Variants in ZBTB5 observed in about 807,000 individuals in gnomAD.
ZBTB5 encodes the protein zinc finger and BTB domain containing 5, also known as zinc finger and BTB domain-containing protein 5.
ZBTB5 carries 15 observed loss-of-function variants against 37.9 expected under a neutral mutation model. The observed-to-expected ratio is 0.40, with a 90% CI of 0.26 to 0.61. ZBTB5 has a LOEUF of 0.61. Among genes scored for constraint, ZBTB5 ranks in the 20% least tolerant of loss-of-function variants. The pLI, the probability that ZBTB5 is intolerant of heterozygous loss-of-function variation, is 0.47. For missense variants in ZBTB5, 708 were observed against 856.8 expected (o/e 0.83, Z 2.17); for synonymous variants, 315 against 312.4 (o/e 1.01, Z -0.09).
intron 1 of ZBTB5, among the ~76,000 whole-genome samples, chr9:37,462,665 G>T (rs994450404): frequency 1.3e-5 from 2 of 151,266 alleles, no homozygotes; most frequent in Non-Finnish European, 2.9e-5. Flanking sequence ...CCAGGCTCAA[G>T]CGATTCTTCC....
At chr9:37,448,499 A>T (rs1232288982) in intron 1 of ZBTB5, among the ~76,000 whole-genome samples, 1 of 152,098 alleles carries the variant, frequency 6.6e-6, no homozygotes, top group Non-Finnish European at 1.5e-5. Context: ...CTACATATTA[A>T]TCCATGTGAC....
At chr9:37,449,724 AAAAATGATACAGG>A (rs1472734142) in intron 1 of ZBTB5, among the ~76,000 whole-genome samples, 2 of 151,870 alleles carry the variant, frequency 1.3e-5, no homozygotes, top group Non-Finnish European at 2.9e-5. Flanking sequence ...AAGAATGAGT[AAAAATGATACAGG>A]AATTAAAGAC....
At chr9:37,459,320 C>T (rs1191432945) in intron 1 of ZBTB5, among the ~76,000 whole-genome samples, 1 of 151,822 alleles carries the variant, frequency 6.6e-6, no homozygotes, top group Non-Finnish European at 1.5e-5. Flanking sequence ...ATTGGTGGGG[C>T]GTGGTGACAC....
chr9:37,452,087 T>C (rs1226396344), intron 1 of ZBTB5, among the ~76,000 whole-genome samples: 3 of 152,214 alleles, frequency 2.0e-5, no homozygotes, highest in Admixed American at 2.0e-4. Flanking sequence ...AAGAACAGTT[T>C]AGCTTTAAAC....
intron 1 of ZBTB5, among the ~76,000 whole-genome samples, chr9:37,460,933 G>T (rs1564314891): frequency 6.6e-6 from 1 of 152,072 alleles, no homozygotes; most frequent in Non-Finnish European, 1.5e-5. Flanking sequence ...TGAAAACTAT[G>T]ACAAAGCTTT....
chr9:37,450,751 G>C (rs1042538190), intron 1 of ZBTB5, among the ~76,000 whole-genome samples: 2 of 151,882 alleles, frequency 1.3e-5, no homozygotes, highest in Admixed American at 1.3e-4. Context: ...TGTAATCCCA[G>C]CTACTCAGGA....
In ZBTB5 at chr9:37,442,203, G is replaced by A. The variant is rs752328268; in HGVS notation, c.349C>T (p.His117Tyr). 4 of 1,614,254 alleles carry A rather than the reference G, an allele frequency of 2.5e-6. No homozygotes were observed. Among genetic ancestry groups the A allele is most frequent in the Middle Eastern group, 1.6e-4 (1 of 6,062 alleles). ...GGCAGCGTCCTTGTCGTTAAGTAAT[G>A]TTTACATGCCTTAACAACAGAGTTC... ...HLNSVVKACKHYLTTRTLPMS... is the reference protein window; with the variant it reads ...HLNSVVKACKYYLTTRTLPMS... The change falls in exon 2 of 2, where the codon CAT becomes TAT. Residue 117 changes from histidine (H) to tyrosine (Y), a missense_variant. This residue lies in a region of ZBTB5 where 639 missense variants were observed against 690.5 expected (regional missense o/e 0.93). Transcript: ENST00000307750.
chr9:37,459,342 C>T (rs1824246362), intron 1 of ZBTB5, among the ~76,000 whole-genome samples: 1 of 151,954 alleles, frequency 6.6e-6, no homozygotes, highest in Non-Finnish European at 1.5e-5. Context: ...TGCCTGTAAT[C>T]CCAGCTACTC....
rs550648380 is a variant in ZBTB5, at chr9:37,438,201, G to A, written c.*2317C>T. 1.3e-5 allele frequency: 2 copies of A among 152,718 alleles called. No individual in the cohort carries two copies. The highest frequency in any genetic ancestry group is 2.9e-5 in the Non-Finnish European group (2 of 68,030). The allele number at this position is 152,718 out of a possible 1,614,324, so 9.5% of individuals were successfully genotyped here. ...GATGCCTTGATAGAACTCCTTGATA[G>A]AACTTTATGATCTGTTCACCAGAAA... On this transcript the variant is annotated 3_prime_UTR_variant, in exon 2 of 2. Coordinates refer to ENST00000307750, the MANE Select transcript of ZBTB5 (RefSeq NM_014872.3).
Position 37,439,768 on chromosome 9 carries a change from C to G in ZBTB5, c.*750G>C, listed in dbSNP as rs1266940784. 7.3e-6 allele frequency: 1 copy of G among 137,300 alleles called. No individual in the cohort carries two copies. The highest frequency in any genetic ancestry group is 1.6e-5 in the Non-Finnish European group (1 of 62,426). The allele number at this position is 137,300 out of a possible 1,614,324, so 8.5% of individuals were successfully genotyped here. On this transcript the variant is annotated 3_prime_UTR_variant, in exon 2 of 2. Coordinates refer to ENST00000307750, the MANE Select transcript of ZBTB5 (RefSeq NM_014872.3). ...TCTGTAATACAAGTTGGTTAAAATA[C>G]TGCTCAAACAGCACATAGGGAAACA...
intron 1 of ZBTB5, among the ~76,000 whole-genome samples, chr9:37,452,237 A>G (rs1824117611): frequency 6.6e-6 from 1 of 152,246 alleles, no homozygotes; most frequent in Middle Eastern, 3.2e-3. Flanking sequence ...GTGATTTTGC[A>G]AAGGCAGTTT....
At chr9:37,446,134 C>T (rs879725248) in intron 1 of ZBTB5, among the ~76,000 whole-genome samples, 4 of 152,114 alleles carry the variant, frequency 2.6e-5, no homozygotes, top group African/African-American at 7.2e-5. Context: ...AAAATGTATA[C>T]ACATATATTT....
chr9:37,446,771 C>T (rs1823999515), intron 1 of ZBTB5, among the ~76,000 whole-genome samples: 1 of 152,242 alleles, frequency 6.6e-6, no homozygotes, highest in African/African-American at 2.4e-5. Flanking sequence ...AATGCAATTA[C>T]TGCTCATTAA....
intron 1 of ZBTB5, among the ~76,000 whole-genome samples, chr9:37,462,418 CCAGA>C (rs1347832062): frequency 1.3e-5 from 2 of 152,262 alleles, no homozygotes; most frequent in East Asian, 3.9e-4. Flanking sequence ...AATCCACGGA[CCAGA>C]TTGAGAACCT....
At chr9:37,458,410 G>C (rs999584832) in intron 1 of ZBTB5, among the ~76,000 whole-genome samples, 14 of 152,194 alleles carry the variant, frequency 9.2e-5, no homozygotes, top group African/African-American at 3.4e-4. Flanking sequence ...TTTTGAGGTG[G>C]CTCAACTAAT....
At chr9:37,458,667 T>C (rs1452468160) in intron 1 of ZBTB5, among the ~76,000 whole-genome samples, 1 of 152,248 alleles carries the variant, frequency 6.6e-6, no homozygotes, top group African/African-American at 2.4e-5. Context: ...GCTCAAATTC[T>C]TCTGACAGAT....
chr9:37,442,575 G>T lies in ZBTB5; in HGVS notation c.-4-20C>A. The T allele has an allele frequency of 6.4e-7, 1 of 1,566,182 alleles. No individual in the cohort carries two copies. The highest frequency in any genetic ancestry group is 8.7e-7 in the Non-Finnish European group (1 of 1,152,224). On this transcript the variant is annotated intron_variant, in intron 1 of 1. Coordinates refer to ENST00000307750, the MANE Select transcript of ZBTB5 (RefSeq NM_014872.3). ...ATGATCCTACAGAAAAACAAAGAAA[G>T]AAAATGTTAAGACCTAGAAAAGCTT...
intron 1 of ZBTB5, among the ~76,000 whole-genome samples, chr9:37,456,226 C>T (rs1427917524): frequency 1.3e-5 from 2 of 152,162 alleles, no homozygotes; most frequent in African/African-American, 2.4e-5. Context: ...GCTGGGATTA[C>T]AGCCGTGAGC....
intron 1 of ZBTB5, among the ~76,000 whole-genome samples, chr9:37,451,007 C>G (rs1042424584): frequency 6.6e-6 from 1 of 150,442 alleles, no homozygotes; most frequent in African/African-American, 2.5e-5. Context: ...GTGAGACCCC[C>G]GTCTCTACCA....
Sources: gnomAD v4.1 joint callset for allele counts (sites outside exome capture counted in the v4.1 genomes callset) on GRCh38, gnomAD v4.1.1 for gene constraint, gnomAD v4.1.1 regional missense constraint, MANE v1.5 for transcripts, NCBI Gene and HGNC (gene_info 2026-07-23, HGNC 2026-07-21) for gene names.